CRTC3: variants seen among roughly 807,000 people sequenced by gnomAD.
The protein encoded by CRTC3 is CREB regulated transcription coactivator 3.
In CRTC3, 26 loss-of-function variants were observed where a neutral mutation model predicts 74.5. The ratio of observed to expected loss-of-function variants is 0.35; its 90% CI spans 0.26 to 0.48. The LOEUF (loss-of-function observed/expected upper bound fraction) is 0.48. Among genes scored for constraint, CRTC3 ranks in the 20% least tolerant of loss-of-function variants. The pLI is 0.99. For missense variants in CRTC3, 760 were observed against 787.3 expected, an observed-to-expected ratio of 0.97 and a Z score of 0.41; for synonymous variants, 377 against 325.8, an observed-to-expected ratio of 1.16 and a Z score of -1.69.
intron 2 of CRTC3, among the ~76,000 whole-genome samples, chr15:90,553,729 G>C (rs1222690331): frequency 6.6e-6 from 1 of 152,152 alleles, no homozygotes; most frequent in Non-Finnish European, 1.5e-5. Flanking sequence ...CAATAGCATG[G>C]ATACTTGAGA....
chr15:90,560,965 T>C (rs1223710191), intron 2 of CRTC3, among the ~76,000 whole-genome samples: 1 of 152,164 alleles, frequency 6.6e-6, no homozygotes, highest in African/African-American at 2.4e-5. Flanking sequence ...TGCCATCCAA[T>C]ATGTCAAAAT....
intron 2 of CRTC3, among the ~76,000 whole-genome samples, chr15:90,585,943 C>T (rs1360962725): frequency 6.6e-6 from 1 of 152,172 alleles, no homozygotes; most frequent in Non-Finnish European, 1.5e-5. Flanking sequence ...TGGCTCACCA[C>T]TGAGATGGTT....
At chr15:90,547,841 C>T (rs754012094) in intron 2 of CRTC3, among the ~76,000 whole-genome samples, 5 of 150,020 alleles carry the variant, frequency 3.3e-5, no homozygotes, top group Non-Finnish European at 5.9e-5. Flanking sequence ...GGACAAAGGG[C>T]TTCTCTCTGT....
chr15:90,585,484 A>G (rs918648629), intron 2 of CRTC3, among the ~76,000 whole-genome samples: 3 of 152,040 alleles, frequency 2.0e-5, no homozygotes, highest in Non-Finnish European at 4.4e-5. Context: ...ACTTCTGTAT[A>G]TATCAGTACA....
In CRTC3 at chr15:90,625,749, A is replaced by G. The variant is rs768458098; in HGVS notation, c.750-27A>G. 1.6e-5 allele frequency: 26 copies of G among 1,593,020 alleles called. No homozygotes were observed. In the South Asian group the frequency reaches 1.7e-4, roughly 10 times the overall value. ...CCCAACAGCCAAATACATTGTAGAA[A>G]GTCATTCTTAATCTTTCTTTTTTCA... is the stretch of plus-strand genomic sequence containing the variant. On this transcript the variant is annotated intron_variant, in intron 9 of 14. Transcript: ENST00000268184.
chr15:90,552,106 G>T (rs530206312), intron 2 of CRTC3, among the ~76,000 whole-genome samples: 1 of 152,222 alleles, frequency 6.6e-6, no homozygotes, highest in African/African-American at 2.4e-5. Flanking sequence ...AATTGAATTG[G>T]CAAATGTTTC....
intron 2 of CRTC3, among the ~76,000 whole-genome samples, chr15:90,540,848 TAAAA>T (rs993363035): frequency 2.0e-5 from 3 of 152,294 alleles, no homozygotes; most frequent in Non-Finnish European, 4.4e-5. Context: ...GCAATCAGCA[TAAAA>T]AAACTGAGAA....
At chr15:90,557,694 C>T (rs1966923382) in intron 2 of CRTC3, among the ~76,000 whole-genome samples, 1 of 152,166 alleles carries the variant, frequency 6.6e-6, no homozygotes, top group Non-Finnish European at 1.5e-5. Context: ...TCTCCTGGGG[C>T]CACTTGAACC....
chr15:90,585,281 AC>A (rs1406759300), intron 2 of CRTC3, among the ~76,000 whole-genome samples: 2 of 152,098 alleles, frequency 1.3e-5, no homozygotes, highest in African/African-American at 2.4e-5. Flanking sequence ...AGTAGCTGGG[AC>A]TACAGGTGTG....
intron 4 of CRTC3, 39 bp downstream of exon 4, chr15:90,602,424 G>A (rs1401313562): frequency 1.1e-5 from 12 of 1,072,850 alleles, no homozygotes; most frequent in Non-Finnish European, 1.7e-5. Flanking sequence ...ATGGGCATGT[G>A]TTATTTTTAG....
chr15:90,635,763 C>CT (rs1555454230), intron 11 of CRTC3, among the ~76,000 whole-genome samples: 1 of 151,904 alleles, frequency 6.6e-6, no homozygotes, highest in African/African-American at 2.4e-5. Context: ...TCCTGTGAGC[C>CT]GGGTTGGGAA....
intron 1 of CRTC3, among the ~76,000 whole-genome samples, chr15:90,531,203 T>C (rs919879562): frequency 6.6e-6 from 1 of 152,220 alleles, no homozygotes; most frequent in Non-Finnish European, 1.5e-5. Flanking sequence ...CCAGAATTTT[T>C]AAATTGGAAG....
chr15:90,569,987 G>A (rs1967223165), intron 2 of CRTC3, among the ~76,000 whole-genome samples: 1 of 152,078 alleles, frequency 6.6e-6, no homozygotes, highest in African/African-American at 2.4e-5. Flanking sequence ...TGATCTATCA[G>A]CTCAGTGCAG....
intron 2 of CRTC3, among the ~76,000 whole-genome samples, chr15:90,559,099 A>C (rs1966958936): frequency 6.6e-6 from 1 of 151,984 alleles, no homozygotes; most frequent in Non-Finnish European, 1.5e-5. Flanking sequence ...TGTCTCCTCC[A>C]AGCCCCCTGG....
intron 9 of CRTC3, among the ~76,000 whole-genome samples, chr15:90,623,878 T>C (rs1968735960): frequency 6.6e-6 from 1 of 152,160 alleles, no homozygotes; most frequent in South Asian, 2.1e-4. Context: ...GCACACCATG[T>C]GGTCTCACAC....
intron 5 of CRTC3, 23 bp downstream of exon 5, chr15:90,604,470 G>C (rs1308015318): frequency 6.3e-7 from 1 of 1,581,840 alleles, no homozygotes; most frequent in Admixed American, 1.7e-5. Flanking sequence ...TTTCCTGGTA[G>C]GAGTAGATTT....
At chr15:90,576,460 A>T (rs1218394001) in intron 2 of CRTC3, among the ~76,000 whole-genome samples, 1 of 151,776 alleles carries the variant, frequency 6.6e-6, no homozygotes, top group Non-Finnish European at 1.5e-5. Context: ...TTCTAAATAT[A>T]TTGAGTTTGA....
At chr15:90,555,110 G>A (rs1966877501) in intron 2 of CRTC3, among the ~76,000 whole-genome samples, 1 of 152,216 alleles carries the variant, frequency 6.6e-6, no homozygotes, top group Admixed American at 6.5e-5. Flanking sequence ...ACAAATTTGA[G>A]AGTTGCTGGC....
intron 2 of CRTC3, among the ~76,000 whole-genome samples, chr15:90,545,843 G>C (rs905944602): frequency 6.6e-6 from 1 of 152,238 alleles, no homozygotes; most frequent in Non-Finnish European, 1.5e-5. Context: ...CTCCCAAAGT[G>C]CTGGGATTAC....
Sources: gnomAD v4.1 joint callset for allele counts (sites outside exome capture counted in the v4.1 genomes callset) on GRCh38, gnomAD v4.1.1 for gene constraint, MANE v1.5 for transcripts, NCBI Gene and HGNC (gene_info 2026-07-23, HGNC 2026-07-21) for gene names.